The following HSF1 variants were observed in gnomAD, a reference collection of about 807,000 sequenced individuals.
HSF1 encodes heat shock transcription factor 1, also known as heat shock factor protein 1.
A neutral mutation model predicts 51.7 loss-of-function variants in HSF1; 32 were observed. The ratio of observed to expected loss-of-function variants is 0.62; its 90% CI spans 0.47 to 0.83. The LOEUF (loss-of-function observed/expected upper bound fraction) is 0.83. Ranked by LOEUF, HSF1 falls within the 40% of genes least tolerant of loss-of-function variation. The pLI is 0.00. For synonymous variants in HSF1, 396 were observed against 309.7 expected, an observed-to-expected ratio of 1.28 and a Z score of -2.92; for missense variants, 727 against 717.0, an observed-to-expected ratio of 1.01 and a Z score of -0.16.
At chr8:144,299,386 G>A (rs1204454664) in intron 1 of HSF1, among the ~76,000 whole-genome samples, 2 of 149,832 alleles carry the variant, frequency 1.3e-5, no homozygotes, top group African/African-American at 2.5e-5. Context: ...GCAGTGAGCC[G>A]AGATCGCATC....
intron 4 of HSF1, chr8:144,310,867 C>T: frequency 4.4e-6 from 2 of 459,406 alleles, no homozygotes; most frequent in East Asian, 4.2e-5. Context: ...GGCCTGTGTC[C>T]AAGGCAGCCC....
In HSF1 at chr8:144,297,569, C is replaced by T. The variant is rs1815552742; in HGVS notation, c.117+5695C>T. 6.6e-6 allele frequency among the ~76,000 whole-genome samples: 1 copy of T among 152,220 alleles called. No individual in the cohort carries two copies. The highest frequency in any genetic ancestry group is 1.5e-5 in the Non-Finnish European group (1 of 68,044). On this transcript the variant is annotated intron_variant, in intron 1 of 12. Coordinates refer to ENST00000528838, the MANE Select transcript of HSF1 (RefSeq NM_005526.4). The surrounding 1 kb of genome is among the most constrained non-coding windows in gnomAD (Gnocchi z 4.6). ...GGGGCCACAAAGTGAGCCACTTTGT[C>T]TGCACCTGCTCGCGCTTCCTGCCTG...
chr8:144,300,988 A>G (rs771390164), intron 1 of HSF1, among the ~76,000 whole-genome samples: 2 of 152,238 alleles, frequency 1.3e-5, no homozygotes, highest in Non-Finnish European at 2.9e-5. Context: ...TTCCTGAACT[A>G]AAAGCAATGG....
intron 1 of HSF1, among the ~76,000 whole-genome samples, chr8:144,299,134 T>TACACACAGC: frequency 6.6e-6 from 1 of 151,986 alleles, no homozygotes; most frequent in East Asian, 1.9e-4. Flanking sequence ...TAGCACGGAG[T>TACACACAGC]ACACACAGCA....
chr8:144,303,616 G>A (rs1816033297), intron 1 of HSF1, among the ~76,000 whole-genome samples: 1 of 152,142 alleles, frequency 6.6e-6, no homozygotes. Context: ...AGTGGCTCAT[G>A]CCTGTAATCC....
intron 1 of HSF1, among the ~76,000 whole-genome samples, chr8:144,300,847 C>T (rs1815816795): frequency 1.3e-5 from 2 of 151,626 alleles, no homozygotes; most frequent in African/African-American, 2.4e-5. Flanking sequence ...CTTGAGACAA[C>T]TGTACCACAC....
chr8:144,311,514 G>A lies in HSF1; in HGVS notation c.636G>A (p.Met212Ile), dbSNP rs1816658404. ...GCACCCTTCCCCACAGCCCCCTGAT[G>A]CTGAACGACAGTGGCTCAGCACATT... ...ILGVKRKIPLMLNDSGSAHSM... is the reference protein window; with the variant it reads ...ILGVKRKIPLILNDSGSAHSM... The change falls in exon 7 of 13, where the codon ATG (methionine) becomes ATA (isoleucine). Residue 212 changes from methionine to isoleucine, a missense_variant. Met to Ile is a conservative substitution (Grantham distance 10). Transcript: ENST00000528838. 6.2e-7 allele frequency: 1 copy of A among 1,613,680 alleles called. No homozygotes were observed. The highest frequency in any genetic ancestry group is 8.5e-7 in the Non-Finnish European group (1 of 1,179,988).
At chr8:144,302,371 A>G (rs1358876234) in intron 1 of HSF1, among the ~76,000 whole-genome samples, 69 of 133,020 alleles carry the variant, frequency 5.2e-4, no homozygotes, top group East Asian at 2.7e-3. Flanking sequence ...GCTGGGCGTG[A>G]TGGCAGGTGC....
At chr8:144,293,902 G>A (rs781953592) in intron 1 of HSF1, among the ~76,000 whole-genome samples, 1 of 151,414 alleles carries the variant, frequency 6.6e-6, no homozygotes, top group Non-Finnish European at 1.5e-5. Flanking sequence ...AAGATTATGA[G>A]GCATGTGGGT....
chr8:144,312,323 G>C, intron 9 of HSF1, 79 bp downstream of exon 9: 2 of 1,097,318 alleles, frequency 1.8e-6, no homozygotes, highest in Non-Finnish European at 2.6e-6. Flanking sequence ...TGTCCCAGTG[G>C]ACTGAGCAGG....
rs1554844023 is a variant in HSF1 at position 144,309,880 on chromosome 8, C to T, written c.472C>T (p.Leu158Phe). ...GAAGCAGGAGTGCATGGACTCCAAG[C>T]TCCTGGCCATGAAGCAGTAGGTCCC... ...KGKQECMDSK[L>F]LAMKHENEAL... The change falls in exon 4 of 13, where the codon CTC becomes TTC. Residue 158 changes from leucine to phenylalanine, a missense_variant. Physicochemically the swap from Leu to Phe is conservative, Grantham distance 22. Around this residue, in one of 2 missense-constraint regions of HSF1, gnomAD observed 257 missense variants for 318.3 expected, o/e 0.81. Transcript: ENST00000528838. The T allele has an allele frequency of 6.2e-7, 1 of 1,613,764 alleles. No homozygotes were observed.
At chr8:144,307,912 G>A (rs987377744) in intron 1 of HSF1, among the ~76,000 whole-genome samples, 36 of 152,220 alleles carry the variant, frequency 2.4e-4, no homozygotes, top group African/African-American at 8.4e-4. Flanking sequence ...AGTTGGCTTG[G>A]CGCTTTTCGC....
At chr8:144,310,051 C>A in intron 4 of HSF1, 155 bp downstream of exon 4, 1 of 885,874 alleles carries the variant, frequency 1.1e-6, no homozygotes, top group Non-Finnish European at 1.7e-6. Context: ...CCCAGCCCCG[C>A]CGCCCGTGGC....
intron 1 of HSF1, among the ~76,000 whole-genome samples, chr8:144,298,531 G>A (rs1554841694): frequency 6.6e-6 from 1 of 151,866 alleles, no homozygotes; most frequent in African/African-American, 2.4e-5. Context: ...CTTGAACCTG[G>A]GATACAGAGG....
chr8:144,310,603 G>C, intron 4 of HSF1: 1 of 161,596 alleles, frequency 6.2e-6, no homozygotes, highest in Non-Finnish European at 1.4e-5. Flanking sequence ...CCTGGAGTCC[G>C]GCCACGTGGA....
intron 8 of HSF1, 21 bp from the exon 9 acceptor site, chr8:144,311,942 C>T: frequency 6.3e-7 from 1 of 1,580,444 alleles, no homozygotes; most frequent in East Asian, 2.3e-5. Context: ...CGCCAGCTCA[C>T]CTGGCCCCCC....
intron 1 of HSF1, among the ~76,000 whole-genome samples, chr8:144,303,360 C>T (rs1215501402): frequency 6.6e-6 from 1 of 151,952 alleles, no homozygotes; most frequent in Non-Finnish European, 1.5e-5. Context: ...AGCTGTTGTT[C>T]CCAAGAGCAG....
rs1277652825 is a variant in HSF1, at chr8:144,309,883, C to T, written c.475C>T (p.Leu159=). Residue 159 remains leucine (L), a synonymous_variant, in exon 4 of 13, where the codon CTG becomes TTG. Transcript: ENST00000528838. ...GCAGGAGTGCATGGACTCCAAGCTC[C>T]TGGCCATGAAGCAGTAGGTCCCACA... ...GKQECMDSKL[L]AMKHENEALW... 1.2e-6 allele frequency: 2 copies of T among 1,613,606 alleles called. No homozygotes were observed. Among genetic ancestry groups the T allele is most frequent in the African/African-American group, 1.3e-5 (1 of 74,924 alleles).
rs1454715454 is a variant in HSF1 at position 144,297,480 on chromosome 8, C to T, written c.117+5606C>T. Among the ~76,000 whole-genome samples the T allele has an allele frequency of 6.6e-6, 1 of 152,164 alleles. No homozygotes were observed. Among genetic ancestry groups the T allele is most frequent in the Non-Finnish European group, 1.5e-5 (1 of 68,040 alleles). On this transcript the variant is annotated intron_variant, in intron 1 of 12. Transcript: ENST00000528838. The surrounding 1 kb of genome is among the most constrained non-coding windows in gnomAD (Gnocchi z 4.6). Reference sequence around the variant, plus strand: ...GCTGGAAGCTCCTCCAGAGCGGAAACAAGAAGAGTGTTTATGAGAAAGGTG... The same window carrying T: ...GCTGGAAGCTCCTCCAGAGCGGAAATAAGAAGAGTGTTTATGAGAAAGGTG...
Sources: allele counts gnomAD v4.1 joint callset (sites outside exome capture counted in the v4.1 genomes callset), GRCh38; gene constraint gnomAD v4.1.1; regional missense constraint gnomAD v4.1.1; non-coding constraint Gnocchi (gnomAD v3.1); transcripts MANE v1.5; gene names NCBI Gene and HGNC (gene_info 2026-07-23, HGNC 2026-07-21).